Variants in INPP5D observed in about 807,000 individuals in gnomAD.
The protein encoded by INPP5D is phosphatidylinositol 3,4,5-trisphosphate 5-phosphatase 1.
INPP5D carries 33 observed loss-of-function variants against 122.9 expected under a neutral mutation model. The ratio of observed to expected loss-of-function variants is 0.27; its 90% CI spans 0.20 to 0.36. The LOEUF (loss-of-function observed/expected upper bound fraction) is 0.36. Ranked by LOEUF, INPP5D falls within the 10% of genes least tolerant of loss-of-function variation. The pLI, the probability that INPP5D is intolerant of heterozygous loss-of-function variation, is 1.00. For missense variants in INPP5D, 1,053 were observed against 1,412.7 expected, an observed-to-expected ratio of 0.75 and a Z score of 4.08; for synonymous variants, 584 against 576.2, an observed-to-expected ratio of 1.01 and a Z score of -0.19.
intron 5 of INPP5D, among the ~76,000 whole-genome samples, chr2:233,137,100 G>A: frequency 6.6e-6 from 1 of 152,080 alleles, no homozygotes; most frequent in East Asian, 1.9e-4. Context: ...AATCCAAAAA[G>A]CTAATCAAGA....
chr2:233,136,643 T>C (rs1693473770), intron 5 of INPP5D, among the ~76,000 whole-genome samples: 1 of 152,074 alleles, frequency 6.6e-6, no homozygotes, highest in South Asian at 2.1e-4. Context: ...AAAGATCCAA[T>C]GTGTACCAAC....
intron 2 of INPP5D, among the ~76,000 whole-genome samples, chr2:233,086,468 C>T (rs572980670): frequency 2.6e-5 from 4 of 152,058 alleles, no homozygotes; most frequent in Admixed American, 1.3e-4. Context: ...TGTGAGCCAC[C>T]GCACCCAGCC....
chr2:233,187,285 T>C (rs2106318023), intron 21 of INPP5D, among the ~76,000 whole-genome samples: 1 of 152,254 alleles, frequency 6.6e-6, no homozygotes, highest in South Asian at 2.1e-4. Context: ...ATGAGCTTAT[T>C]AGTTGTTCAT....
rs1250996047 is a variant in INPP5D, at chr2:233,164,981, T to A, written c.1555+557T>A. Among the ~76,000 whole-genome samples the A allele has an allele frequency of 6.6e-6, 1 of 152,072 alleles. No individual in the cohort carries two copies. ...CTGCCCTCGGTCCCTGTGCACCAGG[T>A]TGGATCTGGAAACGCTGGTGTCAGT... is the stretch of plus-strand genomic sequence containing the variant. On this transcript the variant is annotated intron_variant, in intron 13 of 26. Transcript: ENST00000445964. The surrounding 1 kb of genome is among the most constrained non-coding windows in gnomAD (Gnocchi z 4.3).
chr2:233,095,578 C>T (rs6740385), intron 2 of INPP5D, among the ~76,000 whole-genome samples: 105,952 of 148,110 alleles, frequency 0.72, 37,735 homozygotes, highest in Middle Eastern at 0.81. Flanking sequence ...AACCGAGCCA[C>T]TGGACTCCAG....
At chr2:233,184,874 C>T (rs1032940275) in intron 20 of INPP5D, among the ~76,000 whole-genome samples, 11 of 152,080 alleles carry the variant, frequency 7.2e-5, no homozygotes, top group Admixed American at 7.2e-4. Flanking sequence ...GGGCCCAGGT[C>T]CAGACCTCAA....
intron 2 of INPP5D, among the ~76,000 whole-genome samples, chr2:233,101,677 T>C (rs1381403788): frequency 7.5e-6 from 1 of 133,620 alleles, no homozygotes; most frequent in African/African-American, 2.7e-5. Flanking sequence ...ATATATTACA[T>C]ATTATATAAG....
chr2:233,194,763 G>T (rs904536774), intron 23 of INPP5D, among the ~76,000 whole-genome samples: 3 of 151,810 alleles, frequency 2.0e-5, no homozygotes, highest in Non-Finnish European at 2.9e-5. Flanking sequence ...CTCCTGAAGT[G>T]CTGGGATTAC....
intron 2 of INPP5D, among the ~76,000 whole-genome samples, chr2:233,090,354 A>G (rs1282218420): frequency 6.6e-6 from 1 of 152,200 alleles, no homozygotes; most frequent in African/African-American, 2.4e-5. Context: ...GAGATTCGCC[A>G]TGGAAGAGTA....
At chr2:233,094,511 CCAAA>C (rs1692078966) in intron 2 of INPP5D, among the ~76,000 whole-genome samples, 1 of 76,648 alleles carries the variant, frequency 1.3e-5, no homozygotes, top group Non-Finnish European at 2.3e-5. Context: ...AGACTCCATC[CCAAA>C]AAAAAAAAAA....
intron 2 of INPP5D, among the ~76,000 whole-genome samples, chr2:233,112,844 G>A (rs374153713): frequency 6.6e-6 from 1 of 152,068 alleles, no homozygotes; most frequent in East Asian, 1.9e-4. Context: ...TTTTAGTAGA[G>A]ACAGGGTTTC....
At chr2:233,124,141 C>T (rs1001192678) in intron 3 of INPP5D, among the ~76,000 whole-genome samples, 51 of 150,778 alleles carry the variant, frequency 3.4e-4, no homozygotes, top group African/African-American at 1.2e-3. Context: ...AGGCTTATTT[C>T]CTAAAAGAAA....
At chr2:233,173,392 A>G (rs191636579) in intron 17 of INPP5D, among the ~76,000 whole-genome samples, 274 of 152,262 alleles carry the variant, frequency 1.8e-3, no homozygotes, top group Non-Finnish European at 3.3e-3. Flanking sequence ...GCTACCCTAC[A>G]TTTATTTTTT....
chr2:233,170,708 CCTGGCTAACA>C lies in INPP5D; in HGVS notation c.1900+106_1900+115del. On this transcript the variant is annotated intron_variant, in intron 16 of 26. Transcript: ENST00000445964. The surrounding 1 kb of genome is among the most constrained non-coding windows in gnomAD (Gnocchi z 4.5). ...CACGAGATCAGGAGATGGAGACCAT[CCTGGCTAACA>C]CAGTGAAACCCCGTCTCTACTTAAA... 6.9e-7 allele frequency: 1 copy of C among 1,458,702 alleles called. No homozygotes were observed. Among genetic ancestry groups the C allele is most frequent in the South Asian group, 1.2e-5 (1 of 81,452 alleles). 90.4% of individuals were successfully genotyped at this position (1,458,702 alleles called of 1,614,324 possible).
chr2:233,133,879 T>A (rs531240924), intron 5 of INPP5D: 1 of 430,104 alleles, frequency 2.3e-6, no homozygotes, highest in Non-Finnish European at 4.7e-6. Flanking sequence ...GGGGCAGGGG[T>A]CTGTGTCTGT....
chr2:233,153,473 A>G (rs1278927666), intron 9 of INPP5D, among the ~76,000 whole-genome samples: 2 of 152,188 alleles, frequency 1.3e-5, no homozygotes, highest in African/African-American at 4.8e-5. Flanking sequence ...AATATTCTGA[A>G]AGCCGGAAAG....
chr2:233,130,355 C>T (rs70958386), intron 4 of INPP5D, among the ~76,000 whole-genome samples, 153 bp from the exon 5 acceptor site: 1 of 152,212 alleles, frequency 6.6e-6, no homozygotes, highest in Non-Finnish European at 1.5e-5. Context: ...ACCACGGGAA[C>T]CTTCGTCCAG....
chr2:233,071,533 T>C (rs1691383665), intron 1 of INPP5D, among the ~76,000 whole-genome samples: 1 of 152,212 alleles, frequency 6.6e-6, no homozygotes, highest in Non-Finnish European at 1.5e-5. Context: ...TTCATATCTA[T>C]TCTTCCAGGT....
rs989537746 is a variant in INPP5D at position 233,204,500 on chromosome 2, C to G, written c.3350C>G (p.Pro1117Arg). 4 of 1,582,638 alleles carry G rather than the reference C, an allele frequency of 2.5e-6. No homozygotes were observed. The highest frequency in any genetic ancestry group is 2.7e-5 in the African/African-American group (2 of 74,180). The stretch of plus-strand genomic sequence containing the variant: ...CCGGTCAGCTCCCAGGCCCCGGTGC[C>G]GGCCAAGAGGCCCATCAAGCCTTCC... Reference protein sequence around the residue: ...KTPVSSQAPVPAKRPIKPSRS... With the variant: ...KTPVSSQAPVRAKRPIKPSRS... Residue 1117 changes from proline (P) to arginine (R), a missense_variant, in exon 26 of 27, where the codon CCG (proline) becomes CGG (arginine). Physicochemically the swap from Pro to Arg is moderately radical, Grantham distance 103 (BLOSUM62 -2). Transcript: ENST00000445964.
Sources: gnomAD v4.1 joint callset for allele counts (sites outside exome capture counted in the v4.1 genomes callset) on GRCh38, gnomAD v4.1.1 for gene constraint, Gnocchi (gnomAD v3.1) non-coding constraint, MANE v1.5 for transcripts, NCBI Gene and HGNC (gene_info 2026-07-23, HGNC 2026-07-21) for gene names.